Variants in FARS2 observed in about 807,000 individuals in gnomAD.
The protein encoded by FARS2 is phenylalanyl-tRNA synthetase 2, mitochondrial, also known as phenylalanine--tRNA ligase, mitochondrial.
A neutral mutation model predicts 46.4 loss-of-function variants in FARS2; 40 were observed. The ratio of observed to expected loss-of-function variants is 0.86; its 90% CI spans 0.67 to 1.12. The LOEUF is 1.12. FARS2 is among the 50% of genes most tolerant of loss of function. The probability of loss-of-function intolerance (pLI) is 0.00; values close to 1 mark genes in which losing one functional copy is unlikely to be tolerated. For missense variants in FARS2, 513 were observed against 567.9 expected, an observed-to-expected ratio of 0.90 and a Z score of 0.98; for synonymous variants, 234 against 214.9, an observed-to-expected ratio of 1.09 and a Z score of -0.78.
At chr6:5,379,497 G>T (rs1759612535) in intron 2 of FARS2, among the ~76,000 whole-genome samples, 1 of 152,184 alleles carries the variant, frequency 6.6e-6, no homozygotes, top group Non-Finnish European at 1.5e-5. Context: ...AGGAGGAGCT[G>T]CTACCCTTAG....
intron 3 of FARS2, among the ~76,000 whole-genome samples, chr6:5,418,418 C>T (rs1211518539): frequency 6.6e-6 from 1 of 152,196 alleles, no homozygotes; most frequent in Non-Finnish European, 1.5e-5. Context: ...TATAGAGTTT[C>T]GTCTGGGGAT....
chr6:5,539,408 T>TATATATATATATATATATATATA (rs68137910), intron 4 of FARS2, among the ~76,000 whole-genome samples: 18 of 93,920 alleles, frequency 1.9e-4, no homozygotes, highest in Non-Finnish European at 3.1e-4. Flanking sequence ...ATGTATATAT[T>TATATATATATATATATATATATA]TTTTTAGTAG....
chr6:5,341,417 C>T (rs1413265208), intron 1 of FARS2, among the ~76,000 whole-genome samples: 3 of 148,804 alleles, frequency 2.0e-5, no homozygotes, highest in Non-Finnish European at 3.0e-5. Context: ...TATGTATTTG[C>T]GATACTGTTG....
At chr6:5,282,037 T>A (rs778372580) in intron 1 of FARS2, among the ~76,000 whole-genome samples, 4 of 152,228 alleles carry the variant, frequency 2.6e-5, no homozygotes, top group Non-Finnish European at 4.4e-5. Flanking sequence ...CAGTAACTGT[T>A]ATGTAATATT....
At chr6:5,739,291 T>C (rs1346390388) in intron 6 of FARS2, among the ~76,000 whole-genome samples, 1 of 149,396 alleles carries the variant, frequency 6.7e-6, no homozygotes, top group East Asian at 2.0e-4. Context: ...AGATCAGGAG[T>C]TCAAGACTAG....
At position 5,280,428 on chromosome 6, in the gene FARS2, AC is replaced by A. The variant is rs201671537; in HGVS notation, c.-22+18769del. ...CAGGTGATTTAGAGGGAGAAGGAGA[AC>A]TGCCTTGGATAATATATGGACTGTT... On this transcript the variant is annotated intron_variant, in intron 1 of 6. Coordinates refer to ENST00000274680, the MANE Select transcript of FARS2 (RefSeq NM_006567.5). Among the ~76,000 whole-genome samples the A allele has an allele frequency of 7.9e-3, 1,203 of 152,286 alleles. 4 individuals are homozygous for A. The highest frequency in any genetic ancestry group is 0.041 in the Middle Eastern group (12 of 294).
chr6:5,523,416 C>CTTT (rs74406753), intron 4 of FARS2, among the ~76,000 whole-genome samples: 2 of 140,864 alleles, frequency 1.4e-5, no homozygotes, highest in African/African-American at 2.6e-5. Flanking sequence ...CATATGCTAT[C>CTTT]TTTTTTTTTT....
chr6:5,384,180 G>C (rs1248049844), intron 2 of FARS2, among the ~76,000 whole-genome samples: 1 of 152,130 alleles, frequency 6.6e-6, no homozygotes, highest in African/African-American at 2.4e-5. Context: ...TCCTTGCTTT[G>C]ACGGATTGAA....
Position 5,310,963 on chromosome 6 carries a change from C to A in FARS2, c.-22+49303C>A, listed in dbSNP as rs185144347. ...ATATCAAAATAAAATTCCTGTGCCC[C>A]TTTCTCCAGCAATCCCACCATTAAA... On this transcript the variant is annotated intron_variant, in intron 1 of 6. Transcript: ENST00000274680. 1.1e-4 allele frequency among the ~76,000 whole-genome samples: 16 copies of A among 152,314 alleles called. No individual in the cohort carries two copies. In the East Asian group the frequency reaches 3.1e-3, roughly 29 times the overall value.
intron 3 of FARS2, among the ~76,000 whole-genome samples, chr6:5,407,920 A>C (rs1395240186): frequency 6.6e-6 from 1 of 152,202 alleles, no homozygotes; most frequent in Non-Finnish European, 1.5e-5. Flanking sequence ...GGTGAGGTAG[A>C]AGGGATTCTA....
chr6:5,646,456 G>T (rs773556990), intron 6 of FARS2, among the ~76,000 whole-genome samples: 1 of 152,106 alleles, frequency 6.6e-6, no homozygotes, highest in Non-Finnish European at 1.5e-5. Flanking sequence ...CAGCATTGCC[G>T]GTCTGTGGTC....
At chr6:5,259,512 G>A (rs888494803), upstream of FARS2, among the ~76,000 whole-genome samples, 6 of 152,178 alleles carry the variant, frequency 3.9e-5, no homozygotes, top group Admixed American at 3.9e-4. Flanking sequence ...TTTTCCAGGC[G>A]GGTTTCTAAA....
chr6:5,648,230 T>C (rs1199550246), intron 6 of FARS2, among the ~76,000 whole-genome samples: 7 of 152,358 alleles, frequency 4.6e-5, no homozygotes, highest in African/African-American at 1.7e-4. Context: ...CCTCATGTCC[T>C]TTAGCAGCCA....
intron 5 of FARS2, among the ~76,000 whole-genome samples, chr6:5,586,870 T>C (rs1448482570): frequency 2.0e-5 from 3 of 152,188 alleles, no homozygotes; most frequent in Admixed American, 6.5e-5. Flanking sequence ...AAAGTCCTTG[T>C]AATCCTGATA....
chr6:5,397,601 C>G (rs572928226), intron 2 of FARS2, among the ~76,000 whole-genome samples: 1 of 152,072 alleles, frequency 6.6e-6, no homozygotes, highest in South Asian at 2.1e-4. Context: ...GAACCTAAAA[C>G]GATGCTTAAA....
chr6:5,510,389 C>A (rs1768368477), intron 4 of FARS2, among the ~76,000 whole-genome samples: 1 of 151,996 alleles, frequency 6.6e-6, no homozygotes, highest in Non-Finnish European at 1.5e-5. Context: ...CCAGGCAACC[C>A]CAACAGAACT....
At chr6:5,564,000 T>C (rs558177117) in intron 5 of FARS2, among the ~76,000 whole-genome samples, 4 of 152,324 alleles carry the variant, frequency 2.6e-5, no homozygotes, top group African/African-American at 9.6e-5. Context: ...TAAAACTGCA[T>C]TACTAAACCC....
intron 4 of FARS2, among the ~76,000 whole-genome samples, chr6:5,439,655 G>A (rs1300763345): frequency 1.3e-5 from 2 of 152,198 alleles, no homozygotes; most frequent in African/African-American, 2.4e-5. Context: ...ATGCACTCCA[G>A]GTGAAAGGAT....
At chr6:5,745,876 G>A (rs1490642517) in intron 6 of FARS2, among the ~76,000 whole-genome samples, 1 of 152,104 alleles carries the variant, frequency 6.6e-6, no homozygotes, top group African/African-American at 2.4e-5. Context: ...TATATCAGGG[G>A]GAGCCCTCTG....
Sources: allele counts gnomAD v4.1 joint callset (sites outside exome capture counted in the v4.1 genomes callset), GRCh38; gene constraint gnomAD v4.1.1; transcripts MANE v1.5; gene names NCBI Gene and HGNC (gene_info 2026-07-23, HGNC 2026-07-21).